Variants in BCAS3 observed in about 807,000 individuals in gnomAD.
BCAS3 encodes BCAS4/BCAS3 fusion.
In BCAS3, 53 loss-of-function variants were observed where a neutral mutation model predicts 116.1. That is an observed-to-expected ratio of 0.46 (90% CI 0.37 to 0.57). The LOEUF (loss-of-function observed/expected upper bound fraction) is 0.57. Among genes scored for constraint, BCAS3 ranks in the 20% least tolerant of loss-of-function variants. BCAS3 has a pLI of 0.00. For missense variants in BCAS3, 917 were observed against 1,165.4 expected (o/e 0.79, Z 3.10); for synonymous variants, 391 against 408.2 (o/e 0.96, Z 0.51).
In BCAS3 at chr17:61,075,087, T is replaced by A. The variant is rs1010044355; in HGVS notation, c.2130+67T>A. The A allele has an allele frequency of 9.3e-6, 12 of 1,297,268 alleles. No homozygotes were observed. In the East Asian group the frequency reaches 1.4e-4, roughly 15 times the overall value. 80.4% of individuals were successfully genotyped at this position (1,297,268 alleles called of 1,614,324 possible). A position where few individuals can be genotyped will look rare whatever the true frequency, so the allele number is the denominator to read the frequency against. ...CAGAAATTTACTGTTTTTATTCTTTTCCTTAGAGGTAAAAGGGGAGAATTG... is the reference window on the plus strand; with the variant it reads ...CAGAAATTTACTGTTTTTATTCTTTACCTTAGAGGTAAAAGGGGAGAATTG... On this transcript the variant is annotated intron_variant, in intron 20 of 23. Coordinates refer to ENST00000407086, the MANE Select transcript of BCAS3 (RefSeq NM_017679.5).
chr17:60,891,985 C>A (rs1297021100), intron 10 of BCAS3, among the ~76,000 whole-genome samples: 1 of 152,168 alleles, frequency 6.6e-6, no homozygotes, highest in African/African-American at 2.4e-5. Context: ...TGATTTCATT[C>A]TTTCTGTGGT....
intron 5 of BCAS3, among the ~76,000 whole-genome samples, chr17:60,745,869 A>AGT (rs1655315504): frequency 6.6e-6 from 1 of 152,156 alleles, no homozygotes; most frequent in Non-Finnish European, 1.5e-5. Context: ...TCACAACTTA[A>AGT]CATTTTAAGA....
chr17:60,853,245 AT>A (rs1261127762), intron 7 of BCAS3, among the ~76,000 whole-genome samples: 6 of 151,924 alleles, frequency 3.9e-5, no homozygotes, highest in East Asian at 1.9e-4. Context: ...TTAAGTTGAA[AT>A]TTTTTTTTAA....
chr17:60,896,093 A>G (rs1056005017), intron 10 of BCAS3, among the ~76,000 whole-genome samples: 1 of 152,252 alleles, frequency 6.6e-6, no homozygotes, highest in Non-Finnish European at 1.5e-5. Context: ...TGGGAGGCCA[A>G]GGCGGGCCAA....
At position 60,741,750 on chromosome 17, in the gene BCAS3, C is replaced by T. The variant is rs890236009; in HGVS notation, c.322-5448C>T. On this transcript the variant is annotated intron_variant, in intron 5 of 23. Coordinates refer to ENST00000407086, the MANE Select transcript of BCAS3 (RefSeq NM_017679.5). Reference sequence around the variant, plus strand: ...ATGTGGAGCAGATAGAACTCTTGTACGTTGCTGGTGGAAGTGTAAATTGGT... The same window carrying T: ...ATGTGGAGCAGATAGAACTCTTGTATGTTGCTGGTGGAAGTGTAAATTGGT... Among the ~76,000 whole-genome samples, 14 of 152,032 alleles carry T rather than the reference C, an allele frequency of 9.2e-5. No homozygotes were observed. The East Asian group carries it at 9.6e-4, about 10-fold the overall frequency.
intron 13 of BCAS3, among the ~76,000 whole-genome samples, chr17:60,939,895 C>T (rs1276600715): frequency 3.3e-5 from 5 of 152,044 alleles, no homozygotes; most frequent in East Asian, 1.9e-4. Flanking sequence ...AACACATGTA[C>T]GTAGGCATAC....
chr17:61,250,602 A>G (rs1221377645), intron 22 of BCAS3, among the ~76,000 whole-genome samples: 2 of 152,246 alleles, frequency 1.3e-5, no homozygotes, highest in Non-Finnish European at 2.9e-5. Flanking sequence ...GATTATCTCT[A>G]AAAAGAAACT....
chr17:61,000,908 T>G (rs1487897931), intron 15 of BCAS3, among the ~76,000 whole-genome samples: 2 of 152,214 alleles, frequency 1.3e-5, no homozygotes, highest in Non-Finnish European at 1.5e-5. Context: ...CACCTATTCT[T>G]GAGCCTTTGC....
At chr17:60,888,087 G>T (rs2056858547) in intron 9 of BCAS3, among the ~76,000 whole-genome samples, 1 of 152,134 alleles carries the variant, frequency 6.6e-6, no homozygotes, top group Non-Finnish European at 1.5e-5. Context: ...TGCTTATAAG[G>T]TTGGGATGGT....
At chr17:61,221,649 G>T (rs1028665510) in intron 22 of BCAS3, among the ~76,000 whole-genome samples, 2 of 152,116 alleles carry the variant, frequency 1.3e-5, no homozygotes, top group African/African-American at 2.4e-5. Context: ...TGCTGTTGCT[G>T]TGTGCTCTTG....
At chr17:60,818,290 A>G (rs544732845) in intron 7 of BCAS3, among the ~76,000 whole-genome samples, 65 of 152,356 alleles carry the variant, frequency 4.3e-4, no homozygotes, top group Admixed American at 2.6e-3. Context: ...CAAAAGCATC[A>G]TCTTGGATTG....
intron 22 of BCAS3, among the ~76,000 whole-genome samples, chr17:61,173,358 A>G (rs959043775): frequency 1.3e-5 from 2 of 151,690 alleles, no homozygotes; most frequent in African/African-American, 2.4e-5. Context: ...CTGAGGCATG[A>G]GAATCATTTG....
intron 19 of BCAS3, among the ~76,000 whole-genome samples, chr17:61,074,612 G>A (rs1451718145): frequency 6.6e-6 from 1 of 152,104 alleles, no homozygotes; most frequent in Non-Finnish European, 1.5e-5. Flanking sequence ...GAATCCTAAT[G>A]TCATCCCCCA....
chr17:61,102,712 A>G (rs549760797), intron 22 of BCAS3, among the ~76,000 whole-genome samples: 19 of 152,236 alleles, frequency 1.2e-4, no homozygotes, highest in African/African-American at 4.1e-4. Context: ...GACTGGGTAC[A>G]TGACCTTGAG....
intron 22 of BCAS3, among the ~76,000 whole-genome samples, chr17:61,179,036 G>A (rs2079315265): frequency 6.6e-6 from 1 of 151,962 alleles, no homozygotes; most frequent in Non-Finnish European, 1.5e-5. Context: ...CCAAGTGACT[G>A]GAAATGGCAT....
chr17:60,963,222 T>C (rs2061493508), intron 14 of BCAS3, among the ~76,000 whole-genome samples: 1 of 151,802 alleles, frequency 6.6e-6, no homozygotes, highest in African/African-American at 2.4e-5. Flanking sequence ...TGTGGTCTTT[T>C]GTGGCTCCAT....
intron 22 of BCAS3, among the ~76,000 whole-genome samples, chr17:61,291,279 G>A (rs1007418370): frequency 6.6e-6 from 1 of 152,056 alleles, no homozygotes; most frequent in Non-Finnish European, 1.5e-5. Context: ...CATCTTAAAA[G>A]GAAATATTTA....
intron 13 of BCAS3, among the ~76,000 whole-genome samples, chr17:60,936,845 C>G (rs1251454595): frequency 1.3e-5 from 2 of 152,178 alleles, no homozygotes; most frequent in African/African-American, 2.4e-5. Flanking sequence ...TTTTGCTGTG[C>G]AGACGCTCTT....
At chr17:61,115,135 C>A (rs2075345799) in intron 22 of BCAS3, among the ~76,000 whole-genome samples, 1 of 151,518 alleles carries the variant, frequency 6.6e-6, no homozygotes, top group African/African-American at 2.4e-5. Context: ...ACCATAAAAA[C>A]CCTAGAAGAA....
Sources: gnomAD v4.1 joint callset for allele counts (sites outside exome capture counted in the v4.1 genomes callset) on GRCh38, gnomAD v4.1.1 for gene constraint, MANE v1.5 for transcripts, NCBI Gene and HGNC (gene_info 2026-07-23, HGNC 2026-07-21) for gene names.